MYO5B: variants seen among roughly 807,000 people sequenced by gnomAD.
MYO5B encodes myosin VB.
A neutral mutation model predicts 229.3 loss-of-function variants in MYO5B; 143 were observed. The ratio of observed to expected loss-of-function variants is 0.62; its 90% CI spans 0.54 to 0.72. The LOEUF is 0.72. Among genes scored for constraint, MYO5B ranks in the 30% least tolerant of loss-of-function variants. The pLI is 0.00. For synonymous variants in MYO5B, 918 were observed against 885.2 expected (o/e 1.04, Z -0.66); for missense variants, 2,321 against 2,331.0 (o/e 1.00, Z 0.09).
intron 35 of MYO5B, chr18:49,840,617 A>G (rs1381363972): frequency 6.6e-6 from 1 of 152,388 alleles, no homozygotes; most frequent in Non-Finnish European, 1.5e-5. Flanking sequence ...TGGAAGACCT[A>G]CAGGAACCTG....
intron 2 of MYO5B, among the ~76,000 whole-genome samples, chr18:50,048,454 C>G (rs1416791869): frequency 6.6e-6 from 1 of 152,160 alleles, no homozygotes; most frequent in African/African-American, 2.4e-5. Flanking sequence ...GCTCTGCTCT[C>G]TAAGGTCACA....
intron 10 of MYO5B, among the ~76,000 whole-genome samples, chr18:49,967,397 G>A (rs1161696786): frequency 1.3e-5 from 2 of 152,210 alleles, no homozygotes; most frequent in Non-Finnish European, 2.9e-5. Flanking sequence ...GAGGCAGTGA[G>A]ATGCTTTGAA....
intron 17 of MYO5B, among the ~76,000 whole-genome samples, chr18:49,922,294 A>C (rs572942033): frequency 2.0e-5 from 3 of 152,240 alleles, no homozygotes; most frequent in Admixed American, 2.0e-4. Context: ...GCAGTTAGGT[A>C]GCATTATTAT....
At chr18:49,870,842 G>A (rs974594522) in intron 27 of MYO5B, among the ~76,000 whole-genome samples, 26 of 152,220 alleles carry the variant, frequency 1.7e-4, no homozygotes, top group African/African-American at 6.3e-4. Context: ...TGCACTGCTG[G>A]TGGGAATGTA....
In MYO5B at chr18:49,877,803, G is replaced by A; in HGVS notation, c.3356C>T (p.Ser1119Phe). 1 of 1,614,156 alleles carries A rather than the reference G, an allele frequency of 6.2e-7. No individual in the cohort carries two copies. ...GGCATCCTCAGTGTCTCCGATCTCA[G>A]ATGTGGAGATGGAGGGGTAATTGGA... ...SDSNYPSIST[S>F]EIGDTEDALQ... is the part of the protein sequence containing the mutation. The change falls in exon 25 of 40, where the codon TCT (serine) becomes TTT (phenylalanine). Residue 1119 changes from serine (S) to phenylalanine (F), a missense_variant. This residue lies in a region of MYO5B where 2,113 missense variants were observed against 2,044.7 expected (regional missense o/e 1.03). Transcript: ENST00000285039.
chr18:49,830,145 C>CCACACACACACA (rs57718809), intron 39 of MYO5B, among the ~76,000 whole-genome samples: 19,350 of 149,734 alleles, frequency 0.13, 1,630 homozygotes, highest in Middle Eastern at 0.28. Context: ...CTGAAAGAAT[C>CCACACACACACA]CACACACACA....
chr18:49,908,146 T>C (rs2024920469), intron 18 of MYO5B, among the ~76,000 whole-genome samples: 1 of 152,130 alleles, frequency 6.6e-6, no homozygotes, highest in South Asian at 2.1e-4. Context: ...TCATTCCCTA[T>C]TTCGGAAAAA....
intron 1 of MYO5B, among the ~76,000 whole-genome samples, chr18:50,150,107 G>T (rs1469861293): frequency 2.1e-5 from 3 of 146,084 alleles, no homozygotes; most frequent in South Asian, 4.7e-4. Flanking sequence ...GGCCATCAGA[G>T]AAATGCAAAT....
At chr18:50,183,787 G>A (rs534689035) in intron 1 of MYO5B, among the ~76,000 whole-genome samples, 35 of 152,258 alleles carry the variant, frequency 2.3e-4, no homozygotes, top group African/African-American at 7.9e-4. Flanking sequence ...TATAGGGGCG[G>A]ATCCCTCATG....
rs369377048 is a variant in MYO5B, at chr18:49,992,352, C to T, written c.692G>A (p.Arg231Lys). The T allele has an allele frequency of 1.2e-6, 2 of 1,614,158 alleles. No individual in the cohort carries two copies. The highest frequency in any genetic ancestry group is 1.7e-6 in the Non-Finnish European group (2 of 1,180,030). Residue 231 changes from arginine (R) to lysine (K), a missense_variant, in exon 6 of 40, where the codon AGG (arginine) becomes AAG (lysine). Physicochemically the swap from Arg to Lys is conservative, Grantham distance 26. This residue lies in a region of MYO5B where 2,113 missense variants were observed against 2,044.7 expected (regional missense o/e 1.03). Transcript: ENST00000285039. ...CATGTTGGCCCCGATGATGTGGTAC[C>T]TTTTGTCAAAGCCAATCTGGATGTA... ...GKYIQIGFDK[R>K]YHIIGANMRT...
chr18:50,110,456 A>G (rs1364645511), intron 1 of MYO5B, among the ~76,000 whole-genome samples: 1 of 152,196 alleles, frequency 6.6e-6, no homozygotes, highest in South Asian at 2.1e-4. Flanking sequence ...ATACAAGAAG[A>G]AAGTGGGGTA....
intron 1 of MYO5B, among the ~76,000 whole-genome samples, chr18:50,096,028 T>C (rs937551918): frequency 1.3e-5 from 2 of 152,158 alleles, no homozygotes; most frequent in African/African-American, 4.8e-5. Flanking sequence ...ATTCTCCCAG[T>C]CACCAAGCTC....
At position 50,116,857 on chromosome 18, in the gene MYO5B, A is replaced by C. The variant is rs528160206; in HGVS notation, c.28-61479T>G. ...CCACTGAGTTACCAAAAAAAAAAAA[A>C]ACCAAAAAACAAAAACCACACACAA... On this transcript the variant is annotated intron_variant, in intron 1 of 39. Transcript: ENST00000285039. 1.8e-4 allele frequency among the ~76,000 whole-genome samples: 27 copies of C among 152,116 alleles called. No individual in the cohort carries two copies. The East Asian group carries it at 3.9e-3, about 22-fold the overall frequency.
At position 49,937,250 on chromosome 18, in the gene MYO5B, G is replaced by A. The variant is rs767867688; in HGVS notation, c.1900C>T (p.His634Tyr). The A allele has an allele frequency of 4.3e-6, 7 of 1,614,070 alleles. No homozygotes were observed. The highest frequency in any genetic ancestry group is 5.9e-6 in the Non-Finnish European group (7 of 1,179,962). ...GCTTTTGGTCCGGGGCTGACCTGGT[G>A]GCCAACGGTTTTCTTGTGCTCCTTG... is the stretch of plus-strand genomic sequence containing the variant. The part of the protein sequence containing the change: ...SNKEHKKTVG[H>Y]QFRTSLHLLM... Residue 634 changes from histidine (H) to tyrosine (Y), a missense_variant, in exon 15 of 40, where the codon CAC (histidine) becomes TAC (tyrosine). This residue lies in a region of MYO5B where 2,113 missense variants were observed against 2,044.7 expected (regional missense o/e 1.03). Transcript: ENST00000285039.
chr18:50,107,092 C>T (rs1165584109), intron 1 of MYO5B, among the ~76,000 whole-genome samples: 1 of 141,250 alleles, frequency 7.1e-6, no homozygotes, highest in East Asian at 2.1e-4. Flanking sequence ...CCAGGGTTTC[C>T]TAATGCCTTA....
chr18:49,894,989 G>A lies in MYO5B; in HGVS notation c.2997C>T (p.Arg999=), dbSNP rs771364619. The A allele has an allele frequency of 6.2e-7, 1 of 1,613,726 alleles. No individual in the cohort carries two copies. Among genetic ancestry groups the A allele is most frequent in the Non-Finnish European group, 8.5e-7 (1 of 1,180,026 alleles). The part of the protein sequence containing the change: ...RTELQRAHSE[R]KILEDAHSRE... The stretch of plus-strand genomic sequence containing the variant: ...TGCTGTGGGCGTCCTCCAAGATCTT[G>A]CGCTCCGAGTGGGCCCTCTGCAGCT... Residue 999 remains arginine (R), a synonymous_variant, in exon 22 of 40, where the codon CGC becomes CGT. Coordinates refer to ENST00000285039, the MANE Select transcript of MYO5B (RefSeq NM_001080467.3).
intron 2 of MYO5B, among the ~76,000 whole-genome samples, chr18:50,041,502 A>G (rs2030013916): frequency 6.6e-6 from 1 of 152,234 alleles, no homozygotes; most frequent in African/African-American, 2.4e-5. Flanking sequence ...ACACTAGCAC[A>G]TACAGAAAAA....
intron 1 of MYO5B, among the ~76,000 whole-genome samples, chr18:50,121,825 T>C (rs2032062221): frequency 1.3e-5 from 2 of 152,236 alleles, no homozygotes; most frequent in Non-Finnish European, 2.9e-5. Flanking sequence ...TCCTGACTCA[T>C]GGATCTACTA....
chr18:49,952,006 G>A (rs931002206), intron 14 of MYO5B, among the ~76,000 whole-genome samples: 1 of 152,128 alleles, frequency 6.6e-6, no homozygotes, highest in Admixed American at 6.5e-5. Flanking sequence ...TTTACCCACG[G>A]CCAATTTGTC....
Sources: gnomAD v4.1 joint callset for allele counts (sites outside exome capture counted in the v4.1 genomes callset) on GRCh38, gnomAD v4.1.1 for gene constraint, gnomAD v4.1.1 regional missense constraint, MANE v1.5 for transcripts, NCBI Gene and HGNC (gene_info 2026-07-23, HGNC 2026-07-21) for gene names.